Variants in FAIM observed in about 807,000 individuals in gnomAD.
The protein encoded by FAIM is fas apoptotic inhibitory molecule 1.
Under a neutral mutation model 21.2 loss-of-function variants are expected in FAIM, and 14 were observed. That is an observed-to-expected ratio of 0.66 (90% CI 0.44 to 1.03). The LOEUF is 1.03. FAIM is among the 50% of genes least tolerant of loss of function. FAIM has a pLI of 0.00. For missense variants in FAIM, 222 were observed against 247.1 expected, an observed-to-expected ratio of 0.90 and a Z score of 0.68; for synonymous variants, 86 against 80.4, an observed-to-expected ratio of 1.07 and a Z score of -0.37.
At chr3:138,609,004 G>T in intron 1 of FAIM, 67 bp downstream of exon 1, 1 of 152,712 alleles carries the variant, frequency 6.5e-6, no homozygotes, top group Non-Finnish European at 1.5e-5. Context: ...GGGCCCGCCC[G>T]CTCCGCACCC....
intron 4 of FAIM, 26 bp downstream of exon 4, chr3:138,622,442 C>CT (rs11303336): frequency 0.015 from 16,969 of 1,096,224 alleles, 1 homozygote; most frequent in East Asian, 0.019. Flanking sequence ...TTCCGCAGAA[C>CT]TTTTTTTTTT....
At chr3:138,616,728 TAAAA>T (rs2042829131) in intron 1 of FAIM, among the ~76,000 whole-genome samples, 2 of 152,216 alleles carry the variant, frequency 1.3e-5, no homozygotes, top group Admixed American at 1.3e-4. Flanking sequence ...GTGTTTTGCT[TAAAA>T]TAATGGATAG....
intron 4 of FAIM, among the ~76,000 whole-genome samples, chr3:138,625,261 G>A (rs1368744368): frequency 1.3e-5 from 2 of 151,952 alleles, no homozygotes; most frequent in African/African-American, 4.8e-5. Context: ...TCAGGAGTTC[G>A]AGACCAGCCT....
chr3:138,632,953 T>G lies in FAIM; in HGVS notation c.480T>G (p.Thr160=). ...AGGGTGAGTTTGTAGATGATGGGAC[T>G]GAAACTCACTTCAGTATCGGGAACC... ...ETAGEFVDDG[T]ETHFSIGNHD... The change falls in exon 6 of 6, where the codon ACT becomes ACG. Residue 160 remains threonine, a synonymous_variant. Transcript: ENST00000360570. 1 of 1,613,402 alleles carries G rather than the reference T, an allele frequency of 6.2e-7. No individual in the cohort carries two copies. Among genetic ancestry groups the G allele is most frequent in the Non-Finnish European group, 8.5e-7 (1 of 1,179,736 alleles).
At chr3:138,609,383 AC>A (rs1418892769) in intron 1 of FAIM, among the ~76,000 whole-genome samples, 1 of 151,998 alleles carries the variant, frequency 6.6e-6, no homozygotes, top group African/African-American at 2.4e-5. Flanking sequence ...AAAACGTGGA[AC>A]AGAAAGCAAG....
At chr3:138,618,181 T>TAGG (rs2042848379) in intron 1 of FAIM, among the ~76,000 whole-genome samples, 1 of 151,872 alleles carries the variant, frequency 6.6e-6, no homozygotes, top group Non-Finnish European at 1.5e-5. Context: ...TTTTTGTTTT[T>TAGG]ATTGTTGTAG....
At chr3:138,624,673 A>C (rs2042922360) in intron 4 of FAIM, among the ~76,000 whole-genome samples, 1 of 152,344 alleles carries the variant, frequency 6.6e-6, no homozygotes. Flanking sequence ...TACATTTTAC[A>C]GATTAGTTAT....
Position 138,620,685 on chromosome 3 carries a change from C to T in FAIM, c.45-722C>T, listed in dbSNP as rs749301592. ...TAATATGTTTGTAGAGACAGGGTTTCACCATGTTGTCCAGGCTGGTCTGGA... is the reference window on the plus strand; with the variant it reads ...TAATATGTTTGTAGAGACAGGGTTTTACCATGTTGTCCAGGCTGGTCTGGA... On this transcript the variant is annotated intron_variant, in intron 2 of 5. Transcript: ENST00000360570. Among the ~76,000 whole-genome samples the T allele has an allele frequency of 1.2e-4, 18 of 152,100 alleles. No individual in the cohort carries two copies. The South Asian group carries it at 1.5e-3, about 12-fold the overall frequency.
At chr3:138,611,381 G>A (rs1326483229) in intron 1 of FAIM, among the ~76,000 whole-genome samples, 1 of 151,420 alleles carries the variant, frequency 6.6e-6, no homozygotes, top group East Asian at 1.9e-4. Context: ...TTTTTGAAGT[G>A]GTAAAATATA....
At chr3:138,631,311 A>G (rs1227994601) in intron 5 of FAIM, among the ~76,000 whole-genome samples, 1 of 151,794 alleles carries the variant, frequency 6.6e-6, no homozygotes, top group Non-Finnish European at 1.5e-5. Flanking sequence ...GCTGCTCAGG[A>G]GGCTGAGGCA....
At chr3:138,624,583 C>T (rs2042921193) in intron 4 of FAIM, among the ~76,000 whole-genome samples, 1 of 152,146 alleles carries the variant, frequency 6.6e-6, no homozygotes, top group Non-Finnish European at 1.5e-5. Flanking sequence ...GAGGTAAAGG[C>T]AAAATTGCAT....
chr3:138,632,954 G>A lies in FAIM; in HGVS notation c.481G>A (p.Glu161Lys), dbSNP rs370123817. Residue 161 changes from glutamate (E) to lysine (K), a missense_variant, in exon 6 of 6, where the codon GAA becomes AAA. By Grantham distance (56) the Glu-to-Lys change is moderately conservative. Coordinates refer to ENST00000360570, the MANE Select transcript of FAIM (RefSeq NM_001033031.2). ...TAGEFVDDGT[E>K]THFSIGNHDC... ...GGGTGAGTTTGTAGATGATGGGACT[G>A]AAACTCACTTCAGTATCGGGAACCA... is the stretch of plus-strand genomic sequence containing the variant. 1.2e-6 allele frequency: 2 copies of A among 1,613,372 alleles called. No individual in the cohort carries two copies. The highest frequency in any genetic ancestry group is 3.3e-5 in the Admixed American group (2 of 59,910).
At chr3:138,619,907 G>A (rs2042866150) in intron 2 of FAIM, 137 bp downstream of exon 2, 1 of 822,914 alleles carries the variant, frequency 1.2e-6, no homozygotes, top group Non-Finnish European at 1.8e-6. Flanking sequence ...GCTTTTGTGT[G>A]ATTTAAAGCA....
At chr3:138,615,375 G>A (rs550652014) in intron 1 of FAIM, among the ~76,000 whole-genome samples, 8 of 152,222 alleles carry the variant, frequency 5.3e-5, no homozygotes, top group Admixed American at 1.3e-4. Context: ...TATTTGTTGA[G>A]TTAATGGATT....
intron 1 of FAIM, among the ~76,000 whole-genome samples, chr3:138,618,559 T>C (rs1327053617): frequency 2.6e-5 from 4 of 152,086 alleles, no homozygotes; most frequent in Admixed American, 2.0e-4. Flanking sequence ...TCCCAGCTAC[T>C]CAAGAGGCTG....
At chr3:138,621,382 T>C (rs1249431648) in intron 2 of FAIM, 25 bp from the exon 3 acceptor site, 1 of 1,611,216 alleles carries the variant, frequency 6.2e-7, no homozygotes, top group Admixed American at 1.7e-5. Flanking sequence ...TGGCCTACTA[T>C]AATTGCTTTA....
chr3:138,625,462 C>CAA (rs34565996), intron 4 of FAIM, among the ~76,000 whole-genome samples: 1 of 142,084 alleles, frequency 7.0e-6, no homozygotes. Flanking sequence ...GACTCTGTCT[C>CAA]AAAAAAAAAA....
intron 5 of FAIM, 98 bp downstream of exon 5, chr3:138,629,254 G>T: frequency 9.9e-7 from 1 of 1,011,544 alleles, no homozygotes. Context: ...AATGAATCAA[G>T]GCCCTCTTGA....
chr3:138,622,989 G>A (rs1245959643), intron 4 of FAIM, among the ~76,000 whole-genome samples: 3 of 149,082 alleles, frequency 2.0e-5, no homozygotes, highest in East Asian at 3.9e-4. Context: ...GCAATGAGCC[G>A]AGATCGCACC....
Sources: allele counts gnomAD v4.1 joint callset (sites outside exome capture counted in the v4.1 genomes callset), GRCh38; gene constraint gnomAD v4.1.1; transcripts MANE v1.5; gene names NCBI Gene and HGNC (gene_info 2026-07-23, HGNC 2026-07-21).